Variants in MMP16 observed in about 807,000 individuals in gnomAD.
MMP16 encodes the protein matrix metalloproteinase-16.
A neutral mutation model predicts 67.8 loss-of-function variants in MMP16; 12 were observed. The ratio of observed to expected loss-of-function variants is 0.18; its 90% CI spans 0.11 to 0.29. The LOEUF (loss-of-function observed/expected upper bound fraction) is 0.29. MMP16 is among the 10% of genes least tolerant of loss of function. MMP16 has a pLI of 1.00. For missense variants in MMP16, 475 were observed against 765.7 expected, an observed-to-expected ratio of 0.62 and a Z score of 4.48; for synonymous variants, 249 against 255.9, an observed-to-expected ratio of 0.97 and a Z score of 0.26.
intron 6 of MMP16, among the ~76,000 whole-genome samples, chr8:88,105,726 A>G (rs1563533197): frequency 6.6e-6 from 1 of 151,380 alleles, no homozygotes; most frequent in African/African-American, 2.4e-5. Flanking sequence ...AGAATATGTA[A>G]AAGTGTTTCT....
At chr8:88,303,635 C>T (rs1032728286) in intron 1 of MMP16, among the ~76,000 whole-genome samples, 3 of 152,226 alleles carry the variant, frequency 2.0e-5, no homozygotes, top group Non-Finnish European at 4.4e-5. Context: ...TGCTGTTTCA[C>T]AGCCTTCACT....
intron 1 of MMP16, among the ~76,000 whole-genome samples, chr8:88,256,799 C>T (rs1810309947): frequency 6.6e-6 from 1 of 152,040 alleles, no homozygotes. Flanking sequence ...CAAATGTCCA[C>T]ATTTTATGAT....
chr8:88,069,053 T>C (rs1808506617), intron 7 of MMP16, among the ~76,000 whole-genome samples: 2 of 152,208 alleles, frequency 1.3e-5, no homozygotes, highest in Admixed American at 1.3e-4. Flanking sequence ...GCTCTTTGTA[T>C]CTGTATATAT....
Position 88,147,712 on chromosome 8 carries a change from T to TTAGAA in MMP16, c.709+19956_709+19957insTTCTA, listed in dbSNP as rs770002423. Reference sequence around the variant, plus strand: ...CCTGTGAAATTGTACCTAATGAGTCTTTTCTATCTGTTGGTTTGGAAAAAT... The same window carrying TTAGAA: ...CCTGTGAAATTGTACCTAATGAGTCTTAGAATTTCTATCTGTTGGTTTGGAAAAAT... On this transcript the variant is annotated intron_variant, in intron 4 of 9. Transcript: ENST00000286614. 9.2e-5 allele frequency among the ~76,000 whole-genome samples: 14 copies of TTAGAA among 152,044 alleles called. No homozygotes were observed. The East Asian group carries it at 2.3e-3, about 25-fold the overall frequency.
At position 88,116,552 on chromosome 8, in the gene MMP16, G is replaced by A; in HGVS notation, c.1038C>T (p.Asn346=). ...PGAKPNICDG[N]FNTLAILRRE... is the part of the protein sequence containing the mutation. ...GACGAAGAATAGCTAGAGTGTTAAA[G>A]TTCCCATCACAGATGTTGGGTTTGG... Residue 346 remains asparagine (N), a synonymous_variant, in exon 6 of 10, where the codon AAC becomes AAT. Transcript: ENST00000286614. The A allele has an allele frequency of 6.2e-7, 1 of 1,613,676 alleles. No homozygotes were observed. The highest frequency in any genetic ancestry group is 8.5e-7 in the Non-Finnish European group (1 of 1,179,810).
At chr8:88,129,573 C>CA (rs1807992262) in intron 4 of MMP16, among the ~76,000 whole-genome samples, 1 of 150,736 alleles carries the variant, frequency 6.6e-6, no homozygotes, top group South Asian at 2.1e-4. Flanking sequence ...CCTGTTTTGC[C>CA]AAAAAATATT....
chr8:88,082,014 A>G (rs1181822425), intron 6 of MMP16, among the ~76,000 whole-genome samples: 1 of 152,170 alleles, frequency 6.6e-6, no homozygotes, highest in Middle Eastern at 3.2e-3. Flanking sequence ...AAGCTATGAA[A>G]ACATGGAGAA....
intron 1 of MMP16, among the ~76,000 whole-genome samples, chr8:88,237,589 C>A (rs1047213574): frequency 6.6e-6 from 1 of 151,576 alleles, no homozygotes; most frequent in Non-Finnish European, 1.5e-5. Flanking sequence ...GCGGAGCTGG[C>A]GGTGAACCGA....
intron 6 of MMP16, among the ~76,000 whole-genome samples, chr8:88,087,122 A>G (rs1335838034): frequency 6.6e-6 from 1 of 151,846 alleles, no homozygotes; most frequent in Non-Finnish European, 1.5e-5. Context: ...TCCTGCTCCT[A>G]TAGTCCTAAA....
intron 1 of MMP16, among the ~76,000 whole-genome samples, chr8:88,316,271 T>C (rs1438628758): frequency 6.6e-6 from 1 of 152,132 alleles, no homozygotes; most frequent in East Asian, 1.9e-4. Context: ...AAGATTTCAA[T>C]ATAGACAAAA....
chr8:88,085,898 T>C (rs576685820), intron 6 of MMP16, among the ~76,000 whole-genome samples: 1 of 150,136 alleles, frequency 6.7e-6, no homozygotes, highest in African/African-American at 2.5e-5. Context: ...TTTAGTGATG[T>C]AGCAGATATG....
At chr8:88,176,909 AG>A (rs1808902205) in intron 3 of MMP16, among the ~76,000 whole-genome samples, 1 of 152,142 alleles carries the variant, frequency 6.6e-6, no homozygotes, top group African/African-American at 2.4e-5. Context: ...TGTTTGATTC[AG>A]TGTGTTAAAT....
At chr8:88,246,180 C>G (rs777387490) in intron 1 of MMP16, among the ~76,000 whole-genome samples, 1 of 152,200 alleles carries the variant, frequency 6.6e-6, no homozygotes, top group African/African-American at 2.4e-5. Context: ...GCTTCACTGG[C>G]AGTCACACTA....
At chr8:88,183,932 G>A (rs1035910847) in intron 3 of MMP16, among the ~76,000 whole-genome samples, 27 of 151,410 alleles carry the variant, frequency 1.8e-4, no homozygotes, top group African/African-American at 6.5e-4. Flanking sequence ...TTTTAGTATA[G>A]ACAGGGTTTC....
At chr8:88,263,960 TAGAG>T (rs1298231842) in intron 1 of MMP16, among the ~76,000 whole-genome samples, 1 of 127,612 alleles carries the variant, frequency 7.8e-6, no homozygotes, top group Non-Finnish European at 1.7e-5. Context: ...ATGGCATATA[TAGAG>T]AGAGAGAGAA....
intron 3 of MMP16, among the ~76,000 whole-genome samples, chr8:88,168,491 A>G (rs774874483): frequency 1.3e-5 from 2 of 152,154 alleles, no homozygotes; most frequent in Non-Finnish European, 2.9e-5. Flanking sequence ...CTGATGTTCT[A>G]TTGTTTCTTA....
intron 9 of MMP16, among the ~76,000 whole-genome samples, chr8:88,043,088 T>C (rs1449892667): frequency 1.3e-5 from 2 of 152,214 alleles, no homozygotes; most frequent in Non-Finnish European, 2.9e-5. Context: ...GGTTAAAGTT[T>C]AGTAGATGAC....
chr8:88,185,032 C>T (rs184406360), intron 3 of MMP16, among the ~76,000 whole-genome samples: 3 of 152,238 alleles, frequency 2.0e-5, no homozygotes, highest in African/African-American at 4.8e-5. Context: ...ATACCAACTT[C>T]ATGGGCTTGG....
intron 1 of MMP16, among the ~76,000 whole-genome samples, chr8:88,260,030 G>A (rs1409840798): frequency 6.6e-6 from 1 of 152,158 alleles, no homozygotes; most frequent in African/African-American, 2.4e-5. Context: ...TTGACCAAAT[G>A]AGGTGAAAAG....
Sources: gnomAD v4.1 joint callset for allele counts (sites outside exome capture counted in the v4.1 genomes callset) on GRCh38, gnomAD v4.1.1 for gene constraint, MANE v1.5 for transcripts, NCBI Gene and HGNC (gene_info 2026-07-23, HGNC 2026-07-21) for gene names.